ITGBL1: variants seen among roughly 807,000 people sequenced by gnomAD.
ITGBL1 encodes the protein integrin subunit beta like 1, also known as integrin beta-like protein 1.
ITGBL1 carries 51 observed loss-of-function variants against 68.5 expected under a neutral mutation model. The observed-to-expected ratio is 0.74, with a 90% CI of 0.59 to 0.94. The LOEUF (loss-of-function observed/expected upper bound fraction) is 0.94, where lower values mean the gene tolerates loss of function less well. Ranked by LOEUF, ITGBL1 falls within the 40% of genes least tolerant of loss-of-function variation. The pLI is 0.00. For missense variants in ITGBL1, 649 were observed against 647.4 expected (o/e 1.00, Z -0.03); for synonymous variants, 209 against 227.3 (o/e 0.92, Z 0.72).
At position 101,591,810 on chromosome 13, in the gene ITGBL1, A is replaced by G. The variant is rs183603283; in HGVS notation, c.869-6343A>G. Among the ~76,000 whole-genome samples, 452 of 152,270 alleles carry G rather than the reference A, an allele frequency of 3.0e-3. 14 individuals carry two copies. The highest frequency in any genetic ancestry group is 0.024 in the Admixed American group (362 of 15,290). ...AAATTCTTCATGCATTTTTGCAGCA[A>G]TTATAGAAATCTACTTTGTTCTATA... On this transcript the variant is annotated intron_variant, in intron 6 of 10. Transcript: ENST00000376180.
chr13:101,501,372 A>C (rs2048938074), intron 2 of ITGBL1, among the ~76,000 whole-genome samples: 1 of 152,126 alleles, frequency 6.6e-6, no homozygotes, highest in African/African-American at 2.4e-5. Flanking sequence ...GGCTAGACTT[A>C]TTCTGCCAGC....
chr13:101,569,604 T>G (rs754793173), intron 3 of ITGBL1, among the ~76,000 whole-genome samples: 13 of 152,178 alleles, frequency 8.5e-5, no homozygotes, highest in Non-Finnish European at 1.3e-4. Context: ...TTAGTCTTCT[T>G]TAATCTGGGT....
chr13:101,546,698 A>C (rs2049830727), intron 2 of ITGBL1, among the ~76,000 whole-genome samples: 1 of 152,120 alleles, frequency 6.6e-6, no homozygotes, highest in Admixed American at 6.5e-5. Context: ...TAACTATAGA[A>C]TTAGCATAGA....
intron 8 of ITGBL1, among the ~76,000 whole-genome samples, chr13:101,695,512 G>A (rs1445522501): frequency 6.6e-6 from 1 of 152,250 alleles, no homozygotes; most frequent in Non-Finnish European, 1.5e-5. Context: ...TGATCACAGT[G>A]TTTTAAAAAG....
chr13:101,597,739 G>C (rs988614244), intron 6 of ITGBL1, among the ~76,000 whole-genome samples: 92 of 151,980 alleles, frequency 6.1e-4, no homozygotes, highest in African/African-American at 2.1e-3. Flanking sequence ...TTTTAGTAGA[G>C]ACCGGGGTTT....
chr13:101,452,755 C>T lies in ITGBL1; in HGVS notation c.-79C>T. 8.7e-7 allele frequency: 1 copy of T among 1,144,796 alleles called. No homozygotes were observed. The highest frequency in any genetic ancestry group is 1.3e-6 in the Non-Finnish European group (1 of 756,570). The allele number at this position is 1,144,796 out of a possible 1,614,324, so 70.9% of individuals were successfully genotyped here. On this transcript the variant is annotated 5_prime_UTR_variant, in exon 1 of 11. Transcript: ENST00000376180. ...TCTGCCCAGCCATCTGCTGGTGGCACCTCTCCCTCCTGCCGCCTCCCTCGG... is the reference window on the plus strand; with the variant it reads ...TCTGCCCAGCCATCTGCTGGTGGCATCTCTCCCTCCTGCCGCCTCCCTCGG...
At chr13:101,548,004 C>T (rs975375187) in intron 2 of ITGBL1, among the ~76,000 whole-genome samples, 1 of 151,362 alleles carries the variant, frequency 6.6e-6, no homozygotes, top group Admixed American at 6.6e-5. Context: ...GGTTTATTAA[C>T]CATAGTTACC....
At chr13:101,592,738 A>C (rs1021695377) in intron 6 of ITGBL1, among the ~76,000 whole-genome samples, 2 of 152,140 alleles carry the variant, frequency 1.3e-5, no homozygotes, top group Admixed American at 6.5e-5. Flanking sequence ...CAGAAGAATG[A>C]GATTAAATCA....
chr13:101,493,226 T>C (rs1196889768), intron 2 of ITGBL1, among the ~76,000 whole-genome samples: 1 of 152,174 alleles, frequency 6.6e-6, no homozygotes, highest in Non-Finnish European at 1.5e-5. Flanking sequence ...GTTTCTTACT[T>C]AGCAGAATTG....
chr13:101,628,924 A>G (rs1195975946), intron 7 of ITGBL1, among the ~76,000 whole-genome samples: 1 of 152,154 alleles, frequency 6.6e-6, no homozygotes, highest in Non-Finnish European at 1.5e-5. Flanking sequence ...AGACTTTCTC[A>G]TAATAGTAAT....
At chr13:101,617,213 G>A (rs974683793) in intron 7 of ITGBL1, among the ~76,000 whole-genome samples, 1 of 152,040 alleles carries the variant, frequency 6.6e-6, no homozygotes, top group Admixed American at 6.6e-5. Flanking sequence ...AGTACCTTGT[G>A]ATATCCAGTT....
At chr13:101,710,437 T>G (rs1176486140) in intron 9 of ITGBL1, among the ~76,000 whole-genome samples, 1 of 152,116 alleles carries the variant, frequency 6.6e-6, no homozygotes, top group East Asian at 1.9e-4. Flanking sequence ...CTGGTTCCAG[T>G]GGGGAGCACT....
intron 8 of ITGBL1, among the ~76,000 whole-genome samples, chr13:101,694,728 G>A (rs2033964581): frequency 1.3e-5 from 2 of 152,050 alleles, no homozygotes; most frequent in South Asian, 4.2e-4. Context: ...GGCCAGAAAT[G>A]GCTTTTGTAT....
intron 2 of ITGBL1, among the ~76,000 whole-genome samples, chr13:101,527,412 T>G (rs1361815880): frequency 4.6e-5 from 7 of 152,178 alleles, no homozygotes; most frequent in Non-Finnish European, 1.0e-4. Context: ...TCATCCATGC[T>G]GTTGCATATA....
At chr13:101,483,520 G>A (rs945709007) in intron 2 of ITGBL1, among the ~76,000 whole-genome samples, 3 of 152,174 alleles carry the variant, frequency 2.0e-5, no homozygotes, top group African/African-American at 7.2e-5. Context: ...CTTGACTGGA[G>A]AAGGAGAAAA....
At chr13:101,677,807 C>G (rs2033541488) in intron 7 of ITGBL1, among the ~76,000 whole-genome samples, 1 of 152,090 alleles carries the variant, frequency 6.6e-6, no homozygotes, top group Non-Finnish European at 1.5e-5. Flanking sequence ...TTTACTACAT[C>G]CTTAAACTTT....
chr13:101,555,776 A>T (rs2049995366), intron 2 of ITGBL1, among the ~76,000 whole-genome samples: 1 of 152,116 alleles, frequency 6.6e-6, no homozygotes, highest in Non-Finnish European at 1.5e-5. Flanking sequence ...TTTTGAATTC[A>T]TCTGTTAGTA....
chr13:101,500,165 T>C (rs2048917320), intron 2 of ITGBL1, among the ~76,000 whole-genome samples: 2 of 152,166 alleles, frequency 1.3e-5, no homozygotes, highest in African/African-American at 4.8e-5. Context: ...ATGTTGAGGA[T>C]CATTTTTGAT....
chr13:101,462,240 A>C (rs1031451058), intron 2 of ITGBL1, among the ~76,000 whole-genome samples: 7 of 152,146 alleles, frequency 4.6e-5, no homozygotes, highest in African/African-American at 1.7e-4. Flanking sequence ...CTCCACTTTT[A>C]AGGTGTATTT....
Sources: gnomAD v4.1 joint callset for allele counts (sites outside exome capture counted in the v4.1 genomes callset) on GRCh38, gnomAD v4.1.1 for gene constraint, MANE v1.5 for transcripts, NCBI Gene and HGNC (gene_info 2026-07-23, HGNC 2026-07-21) for gene names.